OPCML: variants seen among roughly 807,000 people sequenced by gnomAD.
OPCML encodes the protein opioid-binding protein/cell adhesion molecule.
Under a neutral mutation model 37.8 loss-of-function variants are expected in OPCML, and 13 were observed. The ratio of observed to expected loss-of-function variants is 0.34; its 90% CI spans 0.22 to 0.55. The LOEUF is 0.55. OPCML is among the 20% of genes least tolerant of loss of function. OPCML has a pLI of 0.91. For missense variants in OPCML, 341 were observed against 435.6 expected, an observed-to-expected ratio of 0.78 and a Z score of 1.93; for synonymous variants, 176 against 168.8, an observed-to-expected ratio of 1.04 and a Z score of -0.33.
intron 1 of OPCML, among the ~76,000 whole-genome samples, chr11:132,958,814 G>GA (rs994560745): frequency 1.0e-5 from 1 of 95,918 alleles, no homozygotes; most frequent in African/African-American, 3.3e-5. Context: ...TACTTCTCAG[G>GA]AAAAAAAGAT....
intron 3 of OPCML, among the ~76,000 whole-genome samples, chr11:132,607,736 A>G (rs1462244732): frequency 6.6e-6 from 1 of 152,178 alleles, no homozygotes; most frequent in African/African-American, 2.4e-5. Context: ...TTCCTTTTAT[A>G]TGAATCAACA....
rs368373904 is a variant in OPCML at position 133,266,289 on chromosome 11, C to T, written c.61+265975G>A. On this transcript the variant is annotated intron_variant, in intron 1 of 7. Coordinates refer to ENST00000524381, the MANE Select transcript of OPCML (RefSeq NM_001012393.5). ...AGGAACTTTCAATTATTTGATTACC[C>T]CATTCTCCTGCTCATTTTCACTCCT... is the stretch of plus-strand genomic sequence containing the variant. 1.1e-3 allele frequency among the ~76,000 whole-genome samples: 174 copies of T among 152,234 alleles called. 1 individual carries two copies. Among genetic ancestry groups the T allele is most frequent in the African/African-American group, 3.9e-3 (162 of 41,522 alleles).
At chr11:133,170,956 A>G (rs908769399) in intron 1 of OPCML, among the ~76,000 whole-genome samples, 1 of 152,204 alleles carries the variant, frequency 6.6e-6, no homozygotes, top group African/African-American at 2.4e-5. Context: ...CCTGAGCCTT[A>G]GGCAAGAGTT....
intron 2 of OPCML, among the ~76,000 whole-genome samples, chr11:132,931,323 A>G (rs1200739199): frequency 6.6e-6 from 1 of 152,194 alleles, no homozygotes; most frequent in Non-Finnish European, 1.5e-5. Flanking sequence ...GATAAATTGG[A>G]CTACAGTAAA....
chr11:133,368,163 T>C (rs532194327), intron 1 of OPCML, among the ~76,000 whole-genome samples: 134 of 148,410 alleles, frequency 9.0e-4, no homozygotes, highest in Admixed American at 8.9e-3. Flanking sequence ...TTCTCGTTAG[T>C]CCAATGTGAA....
intron 4 of OPCML, among the ~76,000 whole-genome samples, chr11:132,458,214 A>G (rs956171942): frequency 2.0e-5 from 3 of 152,226 alleles, no homozygotes; most frequent in Non-Finnish European, 2.9e-5. Context: ...CAATCCATGC[A>G]TCAAAGAGCA....
At chr11:132,624,282 T>C (rs576108332) in intron 3 of OPCML, among the ~76,000 whole-genome samples, 7 of 152,312 alleles carry the variant, frequency 4.6e-5, no homozygotes, top group East Asian at 3.9e-4. Context: ...GTTTGTATAG[T>C]TGGCTTCCCA....
At chr11:132,604,297 G>T (rs1296629144) in intron 3 of OPCML, among the ~76,000 whole-genome samples, 1 of 151,570 alleles carries the variant, frequency 6.6e-6, no homozygotes, top group African/African-American at 2.4e-5. Context: ...AAAAAATACA[G>T]GGAGGAGTCC....
chr11:133,481,439 TTAAAAAAA>T (rs1344091966), intron 1 of OPCML, among the ~76,000 whole-genome samples: 114 of 102,102 alleles, frequency 1.1e-3, no homozygotes, highest in African/African-American at 3.6e-3. Context: ...TTCTCCCCAG[TTAAAAAAA>T]TAAATAAATA....
Position 132,441,317 on chromosome 11 carries a change from G to A in OPCML, c.506-3958C>T, listed in dbSNP as rs569615642. Among the ~76,000 whole-genome samples, 88 of 150,394 alleles carry A rather than the reference G, an allele frequency of 5.9e-4. 1 individual carries two copies. The highest frequency in any genetic ancestry group is 1.0e-3 in the Non-Finnish European group (68 of 67,666). ...CAAGTAGCTGGGACTGCAGGCGCCC[G>A]CCACTACGCCCGGCTAATTTTTTTG... is the stretch of plus-strand genomic sequence containing the variant. On this transcript the variant is annotated intron_variant, in intron 4 of 7. Coordinates refer to ENST00000524381, the MANE Select transcript of OPCML (RefSeq NM_001012393.5).
intron 2 of OPCML, among the ~76,000 whole-genome samples, chr11:132,676,698 C>T (rs573050119): frequency 3.7e-4 from 54 of 147,212 alleles, no homozygotes; most frequent in Non-Finnish European, 8.9e-5. Context: ...TATTATTAAT[C>T]ATTAGTAATA....
rs142368127 is a variant in OPCML at position 132,837,664 on chromosome 11, A to C, written c.146+105262T>G. 9.6e-3 allele frequency among the ~76,000 whole-genome samples: 1,468 copies of C among 152,322 alleles called. 14 individuals carry two copies. Among genetic ancestry groups the C allele is most frequent in the Non-Finnish European group, 0.015 (1,006 of 68,032 alleles). ...CAGGTGTGCACATCAGCAAGGGGCC[A>C]AGGTCAGTTCTCCCTGGGGAGAGGA... On this transcript the variant is annotated intron_variant, in intron 2 of 7. Coordinates refer to ENST00000524381, the MANE Select transcript of OPCML (RefSeq NM_001012393.5).
At chr11:133,515,324 T>C (rs1008635633) in intron 1 of OPCML, among the ~76,000 whole-genome samples, 7 of 152,182 alleles carry the variant, frequency 4.6e-5, no homozygotes, top group African/African-American at 1.4e-4. Context: ...AGAAATGATT[T>C]TGCTCCCCAG....
At chr11:132,585,165 G>A (rs914362310) in intron 3 of OPCML, among the ~76,000 whole-genome samples, 6 of 152,070 alleles carry the variant, frequency 3.9e-5, no homozygotes, top group Non-Finnish European at 5.9e-5. Flanking sequence ...AATTTTGAGA[G>A]GTTGGCCAAA....
At chr11:133,394,022 G>C (rs534309871) in intron 1 of OPCML, among the ~76,000 whole-genome samples, 1 of 152,182 alleles carries the variant, frequency 6.6e-6, no homozygotes, top group East Asian at 1.9e-4. Context: ...GCCCTCCACT[G>C]TACCCCCATC....
At chr11:133,526,985 G>A (rs1334500475) in intron 1 of OPCML, among the ~76,000 whole-genome samples, 1 of 152,218 alleles carries the variant, frequency 6.6e-6, no homozygotes, top group Non-Finnish European at 1.5e-5. Context: ...CAGACCATCT[G>A]GGGGCTGACA....
At chr11:133,276,847 A>C (rs1045925142) in intron 1 of OPCML, among the ~76,000 whole-genome samples, 1 of 151,870 alleles carries the variant, frequency 6.6e-6, no homozygotes, top group East Asian at 1.9e-4. Context: ...CAATTATTTT[A>C]CTCTTACTTA....
chr11:133,238,018 C>T (rs752084850), intron 1 of OPCML, among the ~76,000 whole-genome samples: 1 of 152,170 alleles, frequency 6.6e-6, no homozygotes, highest in African/African-American at 2.4e-5. Context: ...TGTGACATTG[C>T]GGCTAGTAGC....
chr11:133,097,949 A>G (rs886176840), intron 1 of OPCML, among the ~76,000 whole-genome samples: 1 of 152,222 alleles, frequency 6.6e-6, no homozygotes, highest in Admixed American at 6.5e-5. Context: ...GGAAGAAATT[A>G]TACCAATTCT....
Sources: allele counts gnomAD v4.1 joint callset (sites outside exome capture counted in the v4.1 genomes callset), GRCh38; gene constraint gnomAD v4.1.1; transcripts MANE v1.5; gene names NCBI Gene and HGNC (gene_info 2026-07-23, HGNC 2026-07-21).